Variants in ZNF609 observed in about 807,000 individuals in gnomAD.
The protein encoded by ZNF609 is zinc finger protein 609.
ZNF609 carries 11 observed loss-of-function variants against 109.5 expected under a neutral mutation model. The ratio of observed to expected loss-of-function variants is 0.10; its 90% CI spans 0.06 to 0.17. ZNF609 has a LOEUF of 0.17. Among genes scored for constraint, ZNF609 ranks in the 10% least tolerant of loss-of-function variants. The probability of loss-of-function intolerance (pLI) is 1.00; values close to 1 mark genes in which losing one functional copy is unlikely to be tolerated. For missense variants in ZNF609, 1,559 were observed against 1,772.4 expected (o/e 0.88, Z 2.16); for synonymous variants, 646 against 662.0 (o/e 0.98, Z 0.37).
chr15:64,629,723 C>G (rs1896035106), intron 3 of ZNF609, among the ~76,000 whole-genome samples: 1 of 152,162 alleles, frequency 6.6e-6, no homozygotes, highest in African/African-American at 2.4e-5. Flanking sequence ...TACATTACTT[C>G]CCCGCACAAA....
intron 1 of ZNF609, among the ~76,000 whole-genome samples, chr15:64,483,095 C>T (rs999138660): frequency 2.0e-5 from 3 of 146,396 alleles, no homozygotes; most frequent in Admixed American, 6.9e-5. Context: ...TTTTTTCTTT[C>T]TTTTTTTTTT....
At chr15:64,588,060 G>C (rs1053624550) in intron 2 of ZNF609, among the ~76,000 whole-genome samples, 2 of 151,670 alleles carry the variant, frequency 1.3e-5, no homozygotes, top group South Asian at 4.2e-4. Flanking sequence ...TCTTAAGCCC[G>C]GGAAGTTGAG....
intron 2 of ZNF609, among the ~76,000 whole-genome samples, chr15:64,535,144 A>C (rs991197007): frequency 4.3e-4 from 66 of 152,002 alleles, no homozygotes; most frequent in African/African-American, 1.5e-3. Flanking sequence ...GTAACCTTGA[A>C]CTCCTAGCCT....
At chr15:64,513,365 T>C (rs559322483) in intron 2 of ZNF609, among the ~76,000 whole-genome samples, 1 of 152,370 alleles carries the variant, frequency 6.6e-6, no homozygotes, top group Admixed American at 6.5e-5. Context: ...TGCTTGTACA[T>C]ATGTGCTTGG....
chr15:64,571,282 A>G (rs1260413567), intron 2 of ZNF609, among the ~76,000 whole-genome samples: 2 of 152,184 alleles, frequency 1.3e-5, no homozygotes, highest in Non-Finnish European at 2.9e-5. Context: ...AGAGCTAATA[A>G]TACTGCCACT....
At chr15:64,563,768 C>CT (rs768646293) in intron 2 of ZNF609, among the ~76,000 whole-genome samples, 33 of 151,082 alleles carry the variant, frequency 2.2e-4, no homozygotes, top group Non-Finnish European at 4.0e-4. Flanking sequence ...GAGCGAAACT[C>CT]TGTCTCAAAA....
intron 2 of ZNF609, among the ~76,000 whole-genome samples, chr15:64,560,981 A>T (rs1894668447): frequency 1.3e-5 from 2 of 152,212 alleles, no homozygotes; most frequent in Admixed American, 6.5e-5. Context: ...ATAAAATCTA[A>T]ATTCTGTTAC....
chr15:64,541,513 C>A (rs2140381654), intron 2 of ZNF609, among the ~76,000 whole-genome samples: 1 of 151,378 alleles, frequency 6.6e-6, no homozygotes, highest in Non-Finnish European at 1.5e-5. Flanking sequence ...TACAGTGGGA[C>A]TATAACTGAT....
In ZNF609 at chr15:64,499,316, G is replaced by A. The variant is rs1198524029; in HGVS notation, c.-104G>A. On this transcript the variant is annotated 5_prime_UTR_variant, in exon 2 of 10. The change abolishes an upstream ATG in the 5' untranslated region. Coordinates refer to ENST00000326648, the MANE Select transcript of ZNF609 (RefSeq NM_015042.2). ...AGCAATGATGTTGTCCACTGGGCAT[G>A]TACTGACCAATGTGGCAGGTCTGAG... The A allele has an allele frequency of 1.4e-5, 20 of 1,460,528 alleles. No homozygotes were observed. The Admixed American group carries it at 4.3e-4, about 31-fold the overall frequency. 90.5% of individuals were successfully genotyped at this position (1,460,528 alleles called of 1,614,324 possible).
At chr15:64,492,319 T>C (rs1054247422) in intron 1 of ZNF609, among the ~76,000 whole-genome samples, 6 of 152,056 alleles carry the variant, frequency 3.9e-5, no homozygotes, top group African/African-American at 1.2e-4. Context: ...ACTGAGTTCA[T>C]GGAAGAAGAA....
In ZNF609 at chr15:64,573,342, C is replaced by CTTT. The variant is rs1156864847; in HGVS notation, c.748-49484_748-49482dup. ...TTCTGCAGTAGAGTTAGTGGCCCAA[C>CTTT]TTTCTTTTTTTTTTTTTTTTTTTTT... On this transcript the variant is annotated intron_variant, in intron 2 of 9. Coordinates refer to ENST00000326648, the MANE Select transcript of ZNF609 (RefSeq NM_015042.2). 3.6e-3 allele frequency among the ~76,000 whole-genome samples: 192 copies of CTTT among 53,410 alleles called. 1 individual carries two copies. Among genetic ancestry groups the CTTT allele is most frequent in the East Asian group, 0.01 (12 of 1,196 alleles). 35.0% of individuals were successfully genotyped at this position (53,410 alleles called of 152,430 possible). A position where few individuals can be genotyped will look rare whatever the true frequency, so the allele number is the denominator to read the frequency against.
intron 1 of ZNF609, among the ~76,000 whole-genome samples, chr15:64,473,157 G>A (rs1487867262): frequency 7.1e-6 from 1 of 141,792 alleles, no homozygotes; most frequent in Non-Finnish European, 1.5e-5. Flanking sequence ...TCTTCCAGTT[G>A]CTTTGGCTTA....
chr15:64,576,212 G>A (rs947681555), intron 2 of ZNF609, among the ~76,000 whole-genome samples: 2 of 152,082 alleles, frequency 1.3e-5, no homozygotes, highest in Non-Finnish European at 2.9e-5. Flanking sequence ...CTTCTTTTAG[G>A]TCAAATTTAT....
At chr15:64,662,244 C>T (rs754303121) in intron 3 of ZNF609, among the ~76,000 whole-genome samples, 1 of 152,192 alleles carries the variant, frequency 6.6e-6, no homozygotes, top group African/African-American at 2.4e-5. Flanking sequence ...GGAGGAACCC[C>T]CAATAATACC....
chr15:64,604,556 T>G (rs1000559921), intron 2 of ZNF609, among the ~76,000 whole-genome samples: 1 of 152,220 alleles, frequency 6.6e-6, no homozygotes, highest in East Asian at 1.9e-4. Flanking sequence ...GGTCCATTCT[T>G]GTTCAGCATT....
chr15:64,666,577 C>T (rs997144198), intron 3 of ZNF609, among the ~76,000 whole-genome samples: 2 of 151,988 alleles, frequency 1.3e-5, no homozygotes, highest in Admixed American at 6.6e-5. Flanking sequence ...AATCTCAGCT[C>T]ACTGCAACAC....
chr15:64,589,934 T>A (rs1439567405), intron 2 of ZNF609, among the ~76,000 whole-genome samples: 1 of 152,248 alleles, frequency 6.6e-6, no homozygotes, highest in Admixed American at 6.5e-5. Context: ...AAATTGAGAC[T>A]AATGGATACT....
At chr15:64,481,483 G>C (rs1346269721) in intron 1 of ZNF609, among the ~76,000 whole-genome samples, 1 of 151,934 alleles carries the variant, frequency 6.6e-6, no homozygotes, top group African/African-American at 2.4e-5. Context: ...ACCACGCCTA[G>C]CTAATTCTGT....
At chr15:64,602,649 G>A (rs1360209919) in intron 2 of ZNF609, among the ~76,000 whole-genome samples, 1 of 149,950 alleles carries the variant, frequency 6.7e-6, no homozygotes, top group Non-Finnish European at 1.5e-5. Flanking sequence ...TCTTCAGGCT[G>A]TCTTACCCAG....
Sources: gnomAD v4.1 joint callset for allele counts (sites outside exome capture counted in the v4.1 genomes callset) on GRCh38, gnomAD v4.1.1 for gene constraint, MANE v1.5 for transcripts, NCBI Gene and HGNC (gene_info 2026-07-23, HGNC 2026-07-21) for gene names.